Variants in ESF1 observed in about 807,000 individuals in gnomAD.
ESF1 encodes the protein ESF1 homolog.
In ESF1, 58 loss-of-function variants were observed where a neutral mutation model predicts 92.0. That is an observed-to-expected ratio of 0.63 (90% CI 0.51 to 0.78). The LOEUF is 0.78. ESF1 is among the 30% of genes least tolerant of loss of function. The pLI is 0.00. For synonymous variants in ESF1, 321 were observed against 313.7 expected (o/e 1.02, Z -0.24); for missense variants, 922 against 989.1 (o/e 0.93, Z 0.91).
rs1568718355 is a variant in ESF1 at position 13,748,562 on chromosome 20, ATATGTG to A, written c.1828+11124_1828+11129del. 6.6e-3 allele frequency among the ~76,000 whole-genome samples: 244 copies of A among 37,130 alleles called. 1 individual carries two copies. The highest frequency in any genetic ancestry group is 0.047 in the East Asian group (24 of 510). 24.4% of individuals were successfully genotyped at this position (37,130 alleles called of 152,430 possible). A position where few individuals can be genotyped will look rare whatever the true frequency, so the allele number is the denominator to read the frequency against. ...TATATGTGTGTGTATATATATATATATATGTGTGTGTGTATATATATATATATATAT... is the reference window on the plus strand; with the variant it reads ...TATATGTGTGTGTATATATATATATATGTGTGTATATATATATATATATAT... On this transcript the variant is annotated intron_variant, in intron 9 of 13. Coordinates refer to ENST00000617257, the MANE Select transcript of ESF1 (RefSeq NM_001276380.2).
At chr20:13,763,797 C>A (rs1357389698) in intron 8 of ESF1, among the ~76,000 whole-genome samples, 3 of 152,212 alleles carry the variant, frequency 2.0e-5, no homozygotes, top group Non-Finnish European at 2.9e-5. Context: ...TTGCACCCAA[C>A]TTAACTCCCA....
intron 8 of ESF1, among the ~76,000 whole-genome samples, chr20:13,760,194 G>A (rs1188437921): frequency 1.3e-5 from 2 of 152,222 alleles, no homozygotes; most frequent in South Asian, 2.1e-4. Context: ...GGGAAGTGAG[G>A]AGCGTCTCTG....
At chr20:13,775,827 T>G (rs914447909) in intron 3 of ESF1, 46 bp downstream of exon 3, 2 of 1,545,794 alleles carry the variant, frequency 1.3e-6, no homozygotes, top group African/African-American at 2.8e-5. Context: ...TAAAAGCTGC[T>G]TGTACTGTGT....
At chr20:13,764,572 T>G (rs1369006435) in intron 8 of ESF1, among the ~76,000 whole-genome samples, 1 of 152,208 alleles carries the variant, frequency 6.6e-6, no homozygotes, top group African/African-American at 2.4e-5. Context: ...GTGGAAGCCT[T>G]ACAAATAATA....
At chr20:13,765,695 A>C (rs1193191332) in intron 8 of ESF1, among the ~76,000 whole-genome samples, 2 of 152,212 alleles carry the variant, frequency 1.3e-5, no homozygotes, top group African/African-American at 2.4e-5. Flanking sequence ...TGCAGACTTT[A>C]ATCATCTGCA....
chr20:13,727,175 A>C (rs2049906023), intron 11 of ESF1, among the ~76,000 whole-genome samples: 1 of 152,200 alleles, frequency 6.6e-6, no homozygotes, highest in South Asian at 2.1e-4. Flanking sequence ...GGAAACTATA[A>C]TGCTTAGCAT....
chr20:13,782,492 T>C lies in ESF1; in HGVS notation c.637+12A>G. On this transcript the variant is annotated intron_variant, in intron 2 of 13. Coordinates refer to ENST00000617257, the MANE Select transcript of ESF1 (RefSeq NM_001276380.2). ...TGTAACACCCAAGAATCTCTAATTT[T>C]TTCCAACCTACCTGATTGCATTTCT... The C allele has an allele frequency of 6.7e-7, 1 of 1,491,312 alleles. No homozygotes were observed. Among genetic ancestry groups the C allele is most frequent in the Non-Finnish European group, 8.9e-7 (1 of 1,128,112 alleles). 92.4% of individuals were successfully genotyped at this position (1,491,312 alleles called of 1,614,324 possible). A position where few individuals can be genotyped will look rare whatever the true frequency, so the allele number is the denominator to read the frequency against.
At chr20:13,746,298 T>TA (rs2050047913) in intron 9 of ESF1, among the ~76,000 whole-genome samples, 2 of 152,312 alleles carry the variant, frequency 1.3e-5, no homozygotes, top group South Asian at 4.1e-4. Flanking sequence ...AAATACACAC[T>TA]TTAATATATA....
intron 4 of ESF1, 149 bp from the exon 5 acceptor site, chr20:13,772,764 G>C (rs1277881654): frequency 1.8e-6 from 1 of 569,410 alleles, no homozygotes; most frequent in Non-Finnish European, 3.1e-6. Context: ...TAGGAAGCTA[G>C]AGCATCTTGA....
intron 7 of ESF1, among the ~76,000 whole-genome samples, chr20:13,767,784 T>C (rs1300884055): frequency 6.6e-6 from 1 of 152,230 alleles, no homozygotes; most frequent in Non-Finnish European, 1.5e-5. Flanking sequence ...GCTCCTGCCC[T>C]GTACATAGCC....
intron 7 of ESF1, 35 bp from the exon 8 acceptor site, chr20:13,766,959 A>C: frequency 1.9e-6 from 3 of 1,597,632 alleles, no homozygotes; most frequent in Non-Finnish European, 2.6e-6. Flanking sequence ...TAACACACGA[A>C]AATGGAAATG....
intron 11 of ESF1, among the ~76,000 whole-genome samples, chr20:13,723,755 A>G (rs2049883439): frequency 1.3e-5 from 2 of 152,184 alleles, no homozygotes; most frequent in Admixed American, 6.5e-5. Flanking sequence ...CTGGTTTACA[A>G]TGTTTTTGTC....
chr20:13,715,854 T>C (rs1301926568), intron 13 of ESF1, among the ~76,000 whole-genome samples: 2 of 152,176 alleles, frequency 1.3e-5, no homozygotes, highest in African/African-American at 4.8e-5. Flanking sequence ...CACCTGGAGA[T>C]AGATTGTAGC....
intron 11 of ESF1, among the ~76,000 whole-genome samples, chr20:13,723,234 G>T (rs576194268): frequency 1.3e-5 from 2 of 152,092 alleles, no homozygotes. Context: ...TGACCAGATG[G>T]GAGTGGTAAG....
At chr20:13,739,207 T>G (rs1284150392) in intron 9 of ESF1, among the ~76,000 whole-genome samples, 1 of 152,174 alleles carries the variant, frequency 6.6e-6, no homozygotes, top group Non-Finnish European at 1.5e-5. Flanking sequence ...TTGCTGATTG[T>G]CTAAAAGCTA....
intron 9 of ESF1, among the ~76,000 whole-genome samples, chr20:13,738,502 C>T (rs1054221492): frequency 1.3e-4 from 20 of 151,900 alleles, no homozygotes; most frequent in Admixed American, 9.2e-4. Flanking sequence ...TTTATAGAGA[C>T]GTAAGTCTCA....
At chr20:13,770,225 T>C (rs570412830) in intron 6 of ESF1, among the ~76,000 whole-genome samples, 1 of 152,340 alleles carries the variant, frequency 6.6e-6, no homozygotes, top group East Asian at 1.9e-4. Context: ...GCTATAACTC[T>C]GTAATTCCAC....
chr20:13,730,623 A>T (rs1600269591), intron 10 of ESF1, among the ~76,000 whole-genome samples: 1 of 151,684 alleles, frequency 6.6e-6, no homozygotes, highest in Non-Finnish European at 1.5e-5. Context: ...TGACCTTGTG[A>T]TCCGCCCGCC....
At position 13,728,374 on chromosome 20, in the gene ESF1, T is replaced by C; in HGVS notation, c.2038+4A>G. The C allele has an allele frequency of 4.4e-6, 7 of 1,607,568 alleles. No homozygotes were observed. Among genetic ancestry groups the C allele is most frequent in the Non-Finnish European group, 5.9e-6 (7 of 1,177,044 alleles). On this transcript the variant is annotated splice_donor_region_variant and intron_variant, in intron 11 of 13. Coordinates refer to ENST00000617257, the MANE Select transcript of ESF1 (RefSeq NM_001276380.2). ...TTGAAAACTACAGATATGAGCTGGC[T>C]TACCTATTTGTTTAACTTCTTCAGC... is the stretch of plus-strand genomic sequence containing the variant.
Sources: gnomAD v4.1 joint callset for allele counts (sites outside exome capture counted in the v4.1 genomes callset) on GRCh38, gnomAD v4.1.1 for gene constraint, MANE v1.5 for transcripts, NCBI Gene and HGNC (gene_info 2026-07-23, HGNC 2026-07-21) for gene names.